Variants in PPP6C observed in about 807,000 individuals in gnomAD.
PPP6C encodes the protein serine/threonine-protein phosphatase 6 catalytic subunit.
Under a neutral mutation model 39.8 loss-of-function variants are expected in PPP6C, and 11 were observed. The ratio of observed to expected loss-of-function variants is 0.28; its 90% CI spans 0.17 to 0.46. PPP6C has a LOEUF of 0.46. PPP6C is among the 20% of genes least tolerant of loss of function. PPP6C has a pLI of 1.00. For synonymous variants in PPP6C, 129 were observed against 130.3 expected, an observed-to-expected ratio of 0.99 and a Z score of 0.07; for missense variants, 211 against 373.9, an observed-to-expected ratio of 0.56 and a Z score of 3.59.
chr9:125,151,322 T>A lies in PPP6C; in HGVS notation c.670-1401A>T, dbSNP rs1219545606. ...CATGGTTGACACTTGTGGCACAATC[T>A]GCCATGCAGCTGACAAACTTCTCTC... is the stretch of plus-strand genomic sequence containing the variant. On this transcript the variant is annotated intron_variant, in intron 6 of 6. Coordinates refer to ENST00000373547, the MANE Select transcript of PPP6C (RefSeq NM_002721.5). 2.9e-5 allele frequency: 42 copies of A among 1,456,790 alleles called. 1 individual carries two copies. The East Asian group carries it at 9.5e-4, about 33-fold the overall frequency. 90.2% of individuals were successfully genotyped at this position (1,456,790 alleles called of 1,614,324 possible).
chr9:125,150,503 T>C (rs1021115140), intron 6 of PPP6C: 17 of 408,394 alleles, frequency 4.2e-5, no homozygotes, highest in African/African-American at 6.2e-5. Context: ...CTGAAAACAG[T>C]TGAAAGTTCA....
intron 1 of PPP6C, among the ~76,000 whole-genome samples, chr9:125,174,602 A>T (rs778564734): frequency 1.3e-5 from 2 of 151,430 alleles, no homozygotes; most frequent in Non-Finnish European, 2.9e-5. Context: ...TACATCCATC[A>T]CTCATTAAAA....
At chr9:125,149,978 T>C in intron 6 of PPP6C, 57 bp from the exon 7 acceptor site, 1 of 1,561,460 alleles carries the variant, frequency 6.4e-7, no homozygotes, top group Non-Finnish European at 8.7e-7. Flanking sequence ...TCGGCCTACA[T>C]AATCATTTAA....
intron 1 of PPP6C, 147 bp downstream of exon 1, chr9:125,189,497 G>A: frequency 1.4e-6 from 2 of 1,456,598 alleles, no homozygotes; most frequent in Non-Finnish European, 9.0e-7. Context: ...CCCTCGGCGT[G>A]ACGCCGGGTA....
chr9:125,150,708 G>T, intron 6 of PPP6C: 1 of 853,362 alleles, frequency 1.2e-6, no homozygotes, highest in Non-Finnish European at 1.9e-6. Flanking sequence ...GAAAACTGCC[G>T]ATCGCCTGGG....
chr9:125,171,549 G>A (rs1829166208), intron 1 of PPP6C, among the ~76,000 whole-genome samples: 1 of 128,432 alleles, frequency 7.8e-6, no homozygotes, highest in African/African-American at 2.8e-5. Context: ...AAGGTTTTTG[G>A]GTTTTTTTGT....
At chr9:125,169,735 T>C (rs914415609) in intron 2 of PPP6C, among the ~76,000 whole-genome samples, 1 of 152,166 alleles carries the variant, frequency 6.6e-6, no homozygotes, top group African/African-American at 2.4e-5. Flanking sequence ...AGAAGTTACA[T>C]GGAAATTTTA....
chr9:125,171,660 T>C (rs1229123737), intron 1 of PPP6C, among the ~76,000 whole-genome samples: 1 of 151,526 alleles, frequency 6.6e-6, no homozygotes, highest in African/African-American at 2.4e-5. Flanking sequence ...TTCAAGCAAT[T>C]TTCCTGCCTC....
intron 1 of PPP6C, among the ~76,000 whole-genome samples, chr9:125,188,526 C>T (rs1829581867): frequency 6.6e-6 from 1 of 152,120 alleles, no homozygotes; most frequent in South Asian, 2.1e-4. Context: ...TGGCTCACGC[C>T]TGTAATACCA....
At chr9:125,188,543 T>C (rs944615695) in intron 1 of PPP6C, among the ~76,000 whole-genome samples, 2 of 152,046 alleles carry the variant, frequency 1.3e-5, no homozygotes, top group African/African-American at 4.8e-5. Flanking sequence ...ACCAGCACTT[T>C]GGTAGGCCGA....
In PPP6C at chr9:125,150,652, T is replaced by C. The variant is rs571984503; in HGVS notation, c.670-731A>G. 34 of 974,050 alleles carry C rather than the reference T, an allele frequency of 3.5e-5. 2 individuals carry two copies. The highest frequency in any genetic ancestry group is 4.9e-5 in the Non-Finnish European group (32 of 657,010). The allele number at this position is 974,050 out of a possible 1,614,324, so 60.3% of individuals were successfully genotyped here. ...TGCTTAGGGTAGTTGGCCAGGATCC[T>C]GAATATCAAAATCTTCAGCGGCAGC... is the stretch of plus-strand genomic sequence containing the variant. On this transcript the variant is annotated intron_variant, in intron 6 of 6. Coordinates refer to ENST00000373547, the MANE Select transcript of PPP6C (RefSeq NM_002721.5).
intron 1 of PPP6C, among the ~76,000 whole-genome samples, chr9:125,181,476 C>A (rs556052283): frequency 1.3e-5 from 2 of 152,140 alleles, no homozygotes; most frequent in East Asian, 3.9e-4. Flanking sequence ...TAATGATATC[C>A]CTCCCTTTAC....
intron 1 of PPP6C, among the ~76,000 whole-genome samples, chr9:125,171,429 T>A (rs2131327823): frequency 7.4e-6 from 1 of 134,774 alleles, no homozygotes. Context: ...AACTGTAAAA[T>A]GATGTTTTTC....
At chr9:125,163,321 AAGTC>A (rs1418146890) in intron 2 of PPP6C, among the ~76,000 whole-genome samples, 1 of 152,216 alleles carries the variant, frequency 6.6e-6, no homozygotes, top group Non-Finnish European at 1.5e-5. Flanking sequence ...TATATACACA[AAGTC>A]AGGAAGTGAA....
chr9:125,157,293 T>G (rs1373291811), intron 4 of PPP6C, among the ~76,000 whole-genome samples: 1 of 152,064 alleles, frequency 6.6e-6, no homozygotes, highest in Admixed American at 6.6e-5. Flanking sequence ...TTTTGCTGTT[T>G]ATGACTAAGT....
chr9:125,187,647 TAAG>T lies in PPP6C; in HGVS notation c.75+1994_75+1996del, dbSNP rs1327525990. On this transcript the variant is annotated intron_variant, in intron 1 of 6. Coordinates refer to ENST00000373547, the MANE Select transcript of PPP6C (RefSeq NM_002721.5). ...TCAAAAAAGCTTTATGCATGATAAA[TAAG>T]AAGAAAAAATTCCATGTCAATTCAC... Among the ~76,000 whole-genome samples, 28 of 151,984 alleles carry T rather than the reference TAAG, an allele frequency of 1.8e-4. 1 individual carries two copies. The South Asian group carries it at 3.7e-3, about 20-fold the overall frequency.
At chr9:125,180,633 C>T (rs1374467081) in intron 1 of PPP6C, among the ~76,000 whole-genome samples, 1 of 152,192 alleles carries the variant, frequency 6.6e-6, no homozygotes, top group Non-Finnish European at 1.5e-5. Flanking sequence ...GTTGGCCAGG[C>T]TGGTCTCAAA....
chr9:125,151,461 C>A, intron 6 of PPP6C: 1 of 798,046 alleles, frequency 1.3e-6, no homozygotes, highest in Non-Finnish European at 2.3e-6. Context: ...AATAACATAC[C>A]CCAGGAGGAC....
At chr9:125,166,099 T>A (rs1448572836) in intron 2 of PPP6C, among the ~76,000 whole-genome samples, 2 of 152,118 alleles carry the variant, frequency 1.3e-5, no homozygotes, top group African/African-American at 2.4e-5. Flanking sequence ...GCCTGGCCTA[T>A]AATAGTCATC....
Sources: allele counts gnomAD v4.1 joint callset (sites outside exome capture counted in the v4.1 genomes callset), GRCh38; gene constraint gnomAD v4.1.1; transcripts MANE v1.5; gene names NCBI Gene and HGNC (gene_info 2026-07-23, HGNC 2026-07-21).